HHIPL1: variants seen among roughly 807,000 people sequenced by gnomAD.
HHIPL1 encodes the protein HHIP-like protein 1.
Under a neutral mutation model 61.8 loss-of-function variants are expected in HHIPL1, and 43 were observed. The observed-to-expected ratio is 0.70, with a 90% CI of 0.55 to 0.90. The LOEUF (loss-of-function observed/expected upper bound fraction) is 0.90, where lower values mean the gene tolerates loss of function less well. Ranked by LOEUF, HHIPL1 falls within the 40% of genes least tolerant of loss-of-function variation. HHIPL1 has a pLI of 0.00. For synonymous variants in HHIPL1, 482 were observed against 515.8 expected, an observed-to-expected ratio of 0.93 and a Z score of 0.89; for missense variants, 1,056 against 1,157.7, an observed-to-expected ratio of 0.91 and a Z score of 1.28.
rs1203541276 is a variant in HHIPL1, at chr14:99,652,079, C to T, written c.256-145C>T. The T allele has an allele frequency of 5.7e-6, 4 of 699,210 alleles. No homozygotes were observed. In the African/African-American group the frequency reaches 7.2e-5, roughly 13 times the overall value. The allele number at this position is 699,210 out of a possible 1,614,324, so 43.3% of individuals were successfully genotyped here. ...CTAAGGTTTGCTACTGTCACTGAGG[C>T]TTATCGTGGTAACAGGCAGATGGCG... is the stretch of plus-strand genomic sequence containing the variant. On this transcript the variant is annotated intron_variant, in intron 1 of 8. Transcript: ENST00000330710.
At position 99,679,715 on chromosome 14, in the gene HHIPL1, G is replaced by A. The variant is rs1228971587; in HGVS notation, c.*4089G>A. 6.6e-6 allele frequency: 1 copy of A among 152,230 alleles called. No individual in the cohort carries two copies. The highest frequency in any genetic ancestry group is 1.5e-5 in the Non-Finnish European group (1 of 68,048). The allele number at this position is 152,230 out of a possible 1,614,324, so 9.4% of individuals were successfully genotyped here. A position where few individuals can be genotyped will look rare whatever the true frequency, so the allele number is the denominator to read the frequency against. On this transcript the variant is annotated 3_prime_UTR_variant, in exon 9 of 9. Transcript: ENST00000330710. ...ATGAGGTAGCATTGCAGACGTGCAT[G>A]GCACGTACACTCTAGGTTGCTTCCT...
chr14:99,638,668 G>A, the HHIPL1 span, among the ~76,000 whole-genome samples: 1 of 152,206 alleles, frequency 6.6e-6, no homozygotes, highest in African/African-American at 2.4e-5. Flanking sequence ...TTGAGGGAGA[G>A]TCCTTAATGG....
chr14:99,623,174 A>G, the HHIPL1 span, among the ~76,000 whole-genome samples: 8 of 152,358 alleles, frequency 5.3e-5, no homozygotes, highest in African/African-American at 1.4e-4. Flanking sequence ...CAGCCCTGCC[A>G]GCTCGGGCTT....
At chr14:99,636,853 A>C in the HHIPL1 span, among the ~76,000 whole-genome samples, 1 of 151,058 alleles carries the variant, frequency 6.6e-6, no homozygotes, top group Admixed American at 6.6e-5. Flanking sequence ...CGGGCATGGA[A>C]GTGCATGCCT....
chr14:99,644,523 G>C (rs1249357638), upstream of HHIPL1, among the ~76,000 whole-genome samples: 1 of 152,144 alleles, frequency 6.6e-6, no homozygotes, highest in African/African-American at 2.4e-5. Flanking sequence ...CAAAGGGCTG[G>C]ATGCCCATCC....
chr14:99,646,711 T>G (rs2055839447), intron 1 of HHIPL1, among the ~76,000 whole-genome samples: 1 of 151,348 alleles, frequency 6.6e-6, no homozygotes, highest in Non-Finnish European at 1.5e-5. Context: ...GAGGCAGAGG[T>G]TGCAGTGAGC....
the HHIPL1 span, among the ~76,000 whole-genome samples, chr14:99,621,412 C>T: frequency 6.6e-6 from 1 of 152,204 alleles, no homozygotes; most frequent in Admixed American, 6.5e-5. Flanking sequence ...TGGCGAAGGC[C>T]CTCTCTGATC....
upstream of HHIPL1, among the ~76,000 whole-genome samples, chr14:99,644,502 G>C (rs1057462113): frequency 7.2e-5 from 11 of 152,184 alleles, no homozygotes; most frequent in South Asian, 8.3e-4. Flanking sequence ...TCTCCAGCGG[G>C]GGCAGCGGAA....
At chr14:99,672,998 C>G (rs572856098) in intron 8 of HHIPL1, among the ~76,000 whole-genome samples, 1 of 152,228 alleles carries the variant, frequency 6.6e-6, no homozygotes, top group Admixed American at 6.5e-5. Context: ...CAGCACACGG[C>G]GAGACACTGC....
Position 99,650,579 on chromosome 14 carries a change from A to G in HHIPL1, c.256-1645A>G, listed in dbSNP as rs542513823. Among the ~76,000 whole-genome samples the G allele has an allele frequency of 2.6e-5, 4 of 152,336 alleles. No individual in the cohort carries two copies. The South Asian group carries it at 8.3e-4, about 32-fold the overall frequency. The stretch of plus-strand genomic sequence containing the variant: ...AGTTGGGAGCTGGCCAGTAGAGCTG[A>G]GCAGACGTGGCTCAAACCCCAGCCC... On this transcript the variant is annotated intron_variant, in intron 1 of 8. Transcript: ENST00000330710.
At chr14:99,661,997 G>A (rs1023522380) in intron 5 of HHIPL1, among the ~76,000 whole-genome samples, 9 of 152,096 alleles carry the variant, frequency 5.9e-5, no homozygotes, top group African/African-American at 2.2e-4. Context: ...TGGAAAATGG[G>A]TACAGATGAA....
the HHIPL1 span, among the ~76,000 whole-genome samples, chr14:99,634,242 G>A: frequency 6.6e-6 from 1 of 152,178 alleles, no homozygotes; most frequent in South Asian, 2.1e-4. Flanking sequence ...TGAGGCTGGG[G>A]CTGGAGATGC....
chr14:99,644,554 G>A (rs2055796104), upstream of HHIPL1, among the ~76,000 whole-genome samples: 1 of 152,140 alleles, frequency 6.6e-6, no homozygotes, highest in Non-Finnish European at 1.5e-5. Flanking sequence ...ATTCATCAGT[G>A]CTCCCTATGC....
chr14:99,619,834 G>A, the HHIPL1 span, among the ~76,000 whole-genome samples: 2 of 152,174 alleles, frequency 1.3e-5, no homozygotes, highest in South Asian at 4.1e-4. Flanking sequence ...CTATGGGGAC[G>A]TGTTTGTGCA....
intron 1 of HHIPL1, among the ~76,000 whole-genome samples, chr14:99,646,679 C>T (rs558063258): frequency 4.5e-4 from 69 of 152,036 alleles, no homozygotes; most frequent in African/African-American, 1.6e-3. Context: ...GAGGCTGAGG[C>T]AGGAGAAGCA....
At chr14:99,637,000 GAAGAAAGAAAGA>G in the HHIPL1 span, among the ~76,000 whole-genome samples, 2,222 of 76,960 alleles carry the variant, frequency 0.029, 91 homozygotes, top group Admixed American at 0.12. Context: ...AAGAAAGAAA[GAAGAAAGAAAGA>G]AAGAAAGAAA....
the HHIPL1 span, among the ~76,000 whole-genome samples, chr14:99,612,833 C>A: frequency 6.6e-6 from 1 of 152,182 alleles, no homozygotes; most frequent in Non-Finnish European, 1.5e-5. Flanking sequence ...CCAGCCCCCA[C>A]AGCCTCTGGA....
the HHIPL1 span, among the ~76,000 whole-genome samples, chr14:99,627,819 G>T: frequency 6.6e-6 from 1 of 152,326 alleles, no homozygotes; most frequent in South Asian, 2.1e-4. This position sits in a 1 kb window ranked among gnomAD's most constrained non-coding sequence, Gnocchi z 4.4. Context: ...ACACACAAAT[G>T]CAGGATGAGA....
At chr14:99,627,335 C>CCCATCCAT in the HHIPL1 span, among the ~76,000 whole-genome samples, 1,189 of 149,668 alleles carry the variant, frequency 7.9e-3, 18 homozygotes, top group African/African-American at 0.029. The surrounding 1 kb of genome is among the most constrained non-coding windows in gnomAD (Gnocchi z 4.4). Context: ...CATCCATCTG[C>CCCATCCAT]CCATCCATCC....
Sources: gnomAD v4.1 joint callset for allele counts (sites outside exome capture counted in the v4.1 genomes callset) on GRCh38, gnomAD v4.1.1 for gene constraint, Gnocchi (gnomAD v3.1) non-coding constraint, MANE v1.5 for transcripts, NCBI Gene and HGNC (gene_info 2026-07-23, HGNC 2026-07-21) for gene names.